The following LRIG1 variants were observed in gnomAD, a reference collection of about 807,000 sequenced individuals.
The protein encoded by LRIG1 is leucine rich repeats and immunoglobulin like domains 1, also known as leucine-rich repeats and immunoglobulin-like domains protein 1.
Under a neutral mutation model 99.2 loss-of-function variants are expected in LRIG1, and 48 were observed. That is an observed-to-expected ratio of 0.48 (90% CI 0.38 to 0.62). The LOEUF is 0.62. LRIG1 is among the 20% of genes least tolerant of loss of function. The pLI, the probability that LRIG1 is intolerant of heterozygous loss-of-function variation, is 0.00. For synonymous variants in LRIG1, 772 were observed against 596.1 expected (o/e 1.29, Z -4.30); for missense variants, 1,646 against 1,434.4 (o/e 1.15, Z -2.38).
rs1225025331 is a variant in LRIG1 at position 66,465,178 on chromosome 3, G to GT, written c.219-2670dup. Reference sequence around the variant, plus strand: ...CTGCTGTGGACAAGGGGCTGTTCTGGTTTTTAAGTCTGAGAAGCAAGTGGG... The same window carrying GT: ...CTGCTGTGGACAAGGGGCTGTTCTGGTTTTTTAAGTCTGAGAAGCAAGTGGG... On this transcript the variant is annotated intron_variant, in intron 1 of 18. Coordinates refer to ENST00000273261, the MANE Select transcript of LRIG1 (RefSeq NM_015541.3). Among the ~76,000 whole-genome samples the GT allele has an allele frequency of 2.0e-5, 3 of 152,240 alleles. No homozygotes were observed. In the East Asian group the frequency reaches 5.8e-4, roughly 29 times the overall value.
In LRIG1 at chr3:66,407,361, T is replaced by A. The variant is rs770940622; in HGVS notation, c.1066A>T (p.Ser356Cys). Residue 356 changes from serine to cysteine, a missense_variant, in exon 8 of 19, where the codon AGC (serine) becomes TGC (cysteine). By Grantham distance (112) the Ser-to-Cys change is moderately radical. Coordinates refer to ENST00000273261, the MANE Select transcript of LRIG1 (RefSeq NM_015541.3). ...TGGGAGACGTACAAGACTCGCAGGC[T>A]CCTGAGTCCCTTGAAGGCACCCTCC... is the stretch of plus-strand genomic sequence containing the variant. ...IAEGAFKGLR[S>C]LRVLDLDHNE... 9 of 1,613,946 alleles carry A rather than the reference T, an allele frequency of 5.6e-6. No homozygotes were observed. The South Asian group carries it at 9.9e-5, about 18-fold the overall frequency.
intron 11 of LRIG1, among the ~76,000 whole-genome samples, chr3:66,397,692 A>G (rs1469396414): frequency 6.6e-6 from 1 of 152,214 alleles, no homozygotes; most frequent in Non-Finnish European, 1.5e-5. Flanking sequence ...TGCCTTGCTC[A>G]CAGCCCACCA....
chr3:66,487,311 C>CA, intron 1 of LRIG1, among the ~76,000 whole-genome samples: 1 of 152,166 alleles, frequency 6.6e-6, no homozygotes, highest in African/African-American at 2.4e-5. Flanking sequence ...AACAGACCCT[C>CA]AGCACAAAGA....
intron 3 of LRIG1, among the ~76,000 whole-genome samples, chr3:66,422,062 C>T (rs1185217162): frequency 6.6e-6 from 1 of 152,204 alleles, no homozygotes; most frequent in Non-Finnish European, 1.5e-5. Flanking sequence ...TGTCTCTAGG[C>T]TGCACACAGC....
chr3:66,451,692 A>G, intron 2 of LRIG1, 59 bp from the exon 3 acceptor site: 1 of 1,263,098 alleles, frequency 7.9e-7, no homozygotes, highest in Non-Finnish European at 1.2e-6. Flanking sequence ...GAAATCATAC[A>G]CATACAACAG....
intron 12 of LRIG1, among the ~76,000 whole-genome samples, chr3:66,390,054 T>A (rs552760969): frequency 6.6e-6 from 1 of 152,268 alleles, no homozygotes; most frequent in South Asian, 2.1e-4. Flanking sequence ...TTTAGGTGGA[T>A]GTCTCATGAT....
intron 12 of LRIG1, among the ~76,000 whole-genome samples, chr3:66,390,046 T>A (rs1042335279): frequency 3.7e-4 from 56 of 152,140 alleles, no homozygotes; most frequent in Non-Finnish European, 7.4e-5. Flanking sequence ...TTAGGACTTT[T>A]AGGTGGATGT....
chr3:66,436,076 A>C lies in LRIG1; in HGVS notation c.365+15483T>G, dbSNP rs558276979. On this transcript the variant is annotated intron_variant, in intron 3 of 18. Transcript: ENST00000273261. ...GTTTAATTACTTCCCATCATTTAGG[A>C]AAGGGCTGAGGGCTGGGACTCCTAG... Among the ~76,000 whole-genome samples, 4 of 152,310 alleles carry C rather than the reference A, an allele frequency of 2.6e-5. No individual in the cohort carries two copies. In the South Asian group the frequency reaches 8.3e-4, roughly 32 times the overall value.
chr3:66,380,744 T>C lies in LRIG1; in HGVS notation c.2888A>G (p.Asn963Ser), dbSNP rs1700999150. The change falls in exon 18 of 19, where the codon AAT becomes AGT. Residue 963 changes from asparagine (N) to serine (S), a missense_variant. By Grantham distance (46) the Asn-to-Ser change is conservative. Coordinates refer to ENST00000273261, the MANE Select transcript of LRIG1 (RefSeq NM_015541.3). Reference sequence around the variant, plus strand: ...GTCACTCCCACCCGGCTCCGGGCCATTTGGCGCACTTGGCTGTGCGCTGTC... The same window carrying C: ...GTCACTCCCACCCGGCTCCGGGCCACTTGGCGCACTTGGCTGTGCGCTGTC... ...SRDSAQPSAP[N>S]GPEPGGSDQE... The C allele has an allele frequency of 6.2e-7, 1 of 1,614,198 alleles. No individual in the cohort carries two copies. Among genetic ancestry groups the C allele is most frequent in the Non-Finnish European group, 8.5e-7 (1 of 1,180,018 alleles).
intron 3 of LRIG1, among the ~76,000 whole-genome samples, chr3:66,429,256 A>G (rs1389108971): frequency 1.3e-5 from 2 of 152,296 alleles, no homozygotes; most frequent in East Asian, 3.9e-4. Flanking sequence ...ACACCCATTG[A>G]ACTGAAAGCC....
intron 12 of LRIG1, chr3:66,387,611 G>C (rs955482002): frequency 3.3e-5 from 5 of 152,108 alleles, no homozygotes; most frequent in Non-Finnish European, 7.4e-5. Flanking sequence ...CCAATTTCCA[G>C]AGTTGCCACA....
At chr3:66,381,338 G>C in intron 17 of LRIG1, 141 bp downstream of exon 17, 2 of 709,348 alleles carry the variant, frequency 2.8e-6, no homozygotes, top group Non-Finnish European at 4.6e-6. Flanking sequence ...AGCCAGGCCT[G>C]AGCTTCCCCT....
intron 5 of LRIG1, among the ~76,000 whole-genome samples, chr3:66,413,650 G>A (rs1339080065): frequency 6.6e-6 from 1 of 152,206 alleles, no homozygotes; most frequent in African/African-American, 2.4e-5. Context: ...GGGTGGGCCA[G>A]ATCCATTAGC....
At position 66,476,013 on chromosome 3, in the gene LRIG1, T is replaced by C. The variant is rs143749772; in HGVS notation, c.219-13504A>G. 5.4e-3 allele frequency among the ~76,000 whole-genome samples: 824 copies of C among 152,274 alleles called. 4 individuals carry two copies. Among genetic ancestry groups the C allele is most frequent in the African/African-American group, 0.019 (772 of 41,538 alleles). On this transcript the variant is annotated intron_variant, in intron 1 of 18. Coordinates refer to ENST00000273261, the MANE Select transcript of LRIG1 (RefSeq NM_015541.3). ...CACAGGGGGCTGGCTGCAGGACCCA[T>C]GGTCTATGTCAGCAATAATCCCTGC... is the stretch of plus-strand genomic sequence containing the variant.
At chr3:66,410,618 G>A (rs149472954) in intron 6 of LRIG1, among the ~76,000 whole-genome samples, 81 of 152,278 alleles carry the variant, frequency 5.3e-4, no homozygotes, top group African/African-American at 1.6e-3. Flanking sequence ...AAGGAGGATC[G>A]CTTGAGCTCG....
At chr3:66,425,116 G>A (rs1702937552) in intron 3 of LRIG1, among the ~76,000 whole-genome samples, 1 of 152,228 alleles carries the variant, frequency 6.6e-6, no homozygotes, top group African/African-American at 2.4e-5. Context: ...GCTGGAGCTT[G>A]CCCAAGGTCA....
At chr3:66,453,120 T>C (rs1012598325) in intron 2 of LRIG1, among the ~76,000 whole-genome samples, 6 of 152,176 alleles carry the variant, frequency 3.9e-5, no homozygotes, top group African/African-American at 1.2e-4. Context: ...AGCTAATAAA[T>C]TTTTCATAGT....
At chr3:66,492,705 A>G (rs1230264986) in intron 1 of LRIG1, among the ~76,000 whole-genome samples, 2 of 151,758 alleles carry the variant, frequency 1.3e-5, no homozygotes, top group East Asian at 3.9e-4. Flanking sequence ...AGCAGTAATT[A>G]GAACCTGCAT....
intron 11 of LRIG1, among the ~76,000 whole-genome samples, chr3:66,395,546 C>T (rs1266351499): frequency 1.3e-5 from 2 of 152,162 alleles, no homozygotes; most frequent in South Asian, 2.1e-4. Flanking sequence ...ACAGAAATAA[C>T]TTATCTCAAG....
Sources: allele counts gnomAD v4.1 joint callset (sites outside exome capture counted in the v4.1 genomes callset), GRCh38; gene constraint gnomAD v4.1.1; transcripts MANE v1.5; gene names NCBI Gene and HGNC (gene_info 2026-07-23, HGNC 2026-07-21).